The following FSHR variants were observed in gnomAD, a reference collection of about 807,000 sequenced individuals.
The protein encoded by FSHR is follicle-stimulating hormone receptor.
Under a neutral mutation model 52.1 loss-of-function variants are expected in FSHR, and 46 were observed. The observed-to-expected ratio is 0.88, with a 90% CI of 0.70 to 1.13. The LOEUF (loss-of-function observed/expected upper bound fraction) is 1.13. FSHR is among the 50% of genes most tolerant of loss of function. FSHR has a pLI of 0.00. For missense variants in FSHR, 964 were observed against 834.6 expected (o/e 1.16, Z -1.91); for synonymous variants, 399 against 309.6 (o/e 1.29, Z -3.03).
intron 1 of FSHR, among the ~76,000 whole-genome samples, chr2:49,116,366 T>C (rs1671600686): frequency 6.6e-6 from 1 of 152,170 alleles, no homozygotes; most frequent in African/African-American, 2.4e-5. Flanking sequence ...ACACTTGCGT[T>C]ACTTAGAGGC....
At chr2:49,007,633 G>A (rs551129872) in intron 4 of FSHR, among the ~76,000 whole-genome samples, 2 of 152,200 alleles carry the variant, frequency 1.3e-5, no homozygotes, top group East Asian at 3.9e-4. Context: ...AAACATGAAT[G>A]ATGTATTTCC....
At chr2:49,046,354 A>G (rs141651598) in intron 2 of FSHR, among the ~76,000 whole-genome samples, 1 of 152,346 alleles carries the variant, frequency 6.6e-6, no homozygotes, top group African/African-American at 2.4e-5. Flanking sequence ...ATTCATAAAT[A>G]TCTCAGAATA....
At chr2:48,989,827 A>G (rs1675689772) in intron 5 of FSHR, among the ~76,000 whole-genome samples, 1 of 151,964 alleles carries the variant, frequency 6.6e-6, no homozygotes, top group Admixed American at 6.6e-5. Context: ...TGTATTCCTC[A>G]TTTCCCCCGT....
At chr2:49,111,365 T>C (rs1671416895) in intron 1 of FSHR, among the ~76,000 whole-genome samples, 1 of 152,196 alleles carries the variant, frequency 6.6e-6, no homozygotes, top group Non-Finnish European at 1.5e-5. Context: ...TTTTCGCCTT[T>C]AAAATGCTTT....
chr2:49,116,999 A>C (rs141200081), intron 1 of FSHR, among the ~76,000 whole-genome samples: 2,193 of 152,310 alleles, frequency 0.014, 28 homozygotes, highest in Middle Eastern at 0.024. Flanking sequence ...GGGAGAGGGA[A>C]GCATTCTTCC....
chr2:49,041,931 G>C (rs1668492005), intron 2 of FSHR, among the ~76,000 whole-genome samples: 1 of 152,130 alleles, frequency 6.6e-6, no homozygotes, highest in Non-Finnish European at 1.5e-5. Flanking sequence ...CAGATTGCTT[G>C]AGCCTAGGAG....
intron 2 of FSHR, among the ~76,000 whole-genome samples, chr2:49,067,396 A>C (rs1337859562): frequency 1.3e-5 from 2 of 152,178 alleles, no homozygotes; most frequent in Non-Finnish European, 2.9e-5. Context: ...TCAAGAAAGA[A>C]ACACATGAAC....
At chr2:49,036,352 T>C (rs1186971083) in intron 2 of FSHR, among the ~76,000 whole-genome samples, 1 of 152,100 alleles carries the variant, frequency 6.6e-6, no homozygotes, top group Non-Finnish European at 1.5e-5. Flanking sequence ...CCCTTTTTTA[T>C]GTTCATTTAT....
intron 2 of FSHR, among the ~76,000 whole-genome samples, chr2:49,021,958 C>T (rs1274982360): frequency 6.9e-6 from 1 of 144,524 alleles, no homozygotes; most frequent in East Asian, 2.2e-4. Context: ...TTTATTATCT[C>T]ATTCTTTATC....
intron 8 of FSHR, among the ~76,000 whole-genome samples, chr2:48,971,474 T>C (rs1287878617): frequency 6.6e-6 from 1 of 152,192 alleles, no homozygotes; most frequent in Non-Finnish European, 1.5e-5. Flanking sequence ...CTAGGGTTAG[T>C]AGTGGTTACT....
intron 4 of FSHR, among the ~76,000 whole-genome samples, chr2:48,998,392 T>C (rs952803906): frequency 6.6e-6 from 1 of 152,118 alleles, no homozygotes; most frequent in African/African-American, 2.4e-5. Context: ...ATGAAAACTC[T>C]CATAGTATAT....
chr2:49,081,348 TA>T (rs540282763), intron 1 of FSHR, among the ~76,000 whole-genome samples: 7 of 151,122 alleles, frequency 4.6e-5, no homozygotes, highest in Admixed American at 1.3e-4. Context: ...TATCTTATAT[TA>T]AAAAAAAACA....
chr2:48,966,818 T>C (rs1375713498), intron 9 of FSHR, among the ~76,000 whole-genome samples: 3 of 152,228 alleles, frequency 2.0e-5, no homozygotes, highest in Admixed American at 6.5e-5. Context: ...TTTTGGCATG[T>C]AGTGTAAGAA....
At chr2:48,970,377 C>T (rs1475309254) in intron 8 of FSHR, among the ~76,000 whole-genome samples, 2 of 152,138 alleles carry the variant, frequency 1.3e-5, no homozygotes, top group Admixed American at 6.5e-5. Context: ...CATGTCTTAG[C>T]TCTGATCTCC....
At chr2:48,983,255 C>G (rs561783189) in intron 6 of FSHR, 89 bp from the exon 7 acceptor site, 2 of 1,215,174 alleles carry the variant, frequency 1.6e-6, no homozygotes, top group Non-Finnish European at 2.4e-6. Context: ...CAAGGGCAGA[C>G]AGCACAGGTT....
At position 49,024,686 on chromosome 2, in the gene FSHR, C is replaced by T. The variant is rs1329585352; in HGVS notation, c.225-4526G>A. ...CCCCTCTGGGTCTTTCCCATCTTGTCCCTCCTCCCCTGCCTTTCTCTTCAC... is the reference window on the plus strand; with the variant it reads ...CCCCTCTGGGTCTTTCCCATCTTGTTCCTCCTCCCCTGCCTTTCTCTTCAC... On this transcript the variant is annotated intron_variant, in intron 2 of 9. Coordinates refer to ENST00000406846, the MANE Select transcript of FSHR (RefSeq NM_000145.4). Among the ~76,000 whole-genome samples, 4 of 152,264 alleles carry T rather than the reference C, an allele frequency of 2.6e-5. No homozygotes were observed. In the South Asian group the frequency reaches 8.3e-4, roughly 32 times the overall value.
In FSHR at chr2:48,989,057, A is replaced by G; in HGVS notation, c.447-3T>C. The G allele has an allele frequency of 6.2e-7, 1 of 1,610,724 alleles. No homozygotes were observed. The highest frequency in any genetic ancestry group is 8.5e-7 in the Non-Finnish European group (1 of 1,177,180). ...TGTTTATGTTATCTTGAATGTCACT[A>G]GAAGAAAGTACAGACAAATAAGATA... On this transcript the variant is annotated splice_polypyrimidine_tract_variant and splice_region_variant and intron_variant, in intron 5 of 9. Coordinates refer to ENST00000406846, the MANE Select transcript of FSHR (RefSeq NM_000145.4).
At chr2:49,103,098 A>G (rs1671093027) in intron 1 of FSHR, among the ~76,000 whole-genome samples, 1 of 152,138 alleles carries the variant, frequency 6.6e-6, no homozygotes, top group Admixed American at 6.6e-5. Flanking sequence ...TCTTTATAAT[A>G]AAAGGAGTAA....
At chr2:49,153,559 AAAAG>A (rs1208722214) in intron 1 of FSHR, among the ~76,000 whole-genome samples, 2 of 152,190 alleles carry the variant, frequency 1.3e-5, no homozygotes, top group Non-Finnish European at 2.9e-5. Context: ...CCTAATTTGC[AAAAG>A]AAAGAGAGAG....
Sources: allele counts gnomAD v4.1 joint callset (sites outside exome capture counted in the v4.1 genomes callset), GRCh38; gene constraint gnomAD v4.1.1; transcripts MANE v1.5; gene names NCBI Gene and HGNC (gene_info 2026-07-23, HGNC 2026-07-21).